RNFT2: variants seen among roughly 807,000 people sequenced by gnomAD.
RNFT2 encodes ring finger protein, transmembrane 2, also known as E3 ubiquitin-protein ligase RNFT2.
In RNFT2, 36 loss-of-function variants were observed where a neutral mutation model predicts 53.0. That is an observed-to-expected ratio of 0.68 (90% CI 0.52 to 0.90). RNFT2 has a LOEUF of 0.90. Among genes scored for constraint, RNFT2 ranks in the 40% least tolerant of loss-of-function variants. The pLI is 0.00. For synonymous variants in RNFT2, 260 were observed against 253.2 expected (o/e 1.03, Z -0.26); for missense variants, 514 against 585.6 (o/e 0.88, Z 1.26).
intron 7 of RNFT2, among the ~76,000 whole-genome samples, chr12:116,819,464 A>G (rs894080347): frequency 2.6e-5 from 4 of 151,990 alleles, no homozygotes; most frequent in African/African-American, 9.7e-5. Context: ...AGATCATGAG[A>G]TGCCGGCGCT....
intron 7 of RNFT2, among the ~76,000 whole-genome samples, chr12:116,787,364 C>T (rs534458718): frequency 2.0e-5 from 3 of 152,264 alleles, no homozygotes; most frequent in Admixed American, 1.3e-4. Context: ...GCATTTTCCT[C>T]CTGCAGAAAA....
chr12:116,740,795 C>A, intron 2 of RNFT2: 2 of 620,452 alleles, frequency 3.2e-6, no homozygotes, highest in South Asian at 3.8e-5. Flanking sequence ...TGAGGACTTT[C>A]TCCACCTCTG....
At chr12:116,771,494 A>AT (rs1349510091) in intron 6 of RNFT2, among the ~76,000 whole-genome samples, 9 of 112,592 alleles carry the variant, frequency 8.0e-5, no homozygotes, top group African/African-American at 3.0e-4. Flanking sequence ...AAAAAAAAAA[A>AT]ATACGTATAT....
intron 7 of RNFT2, among the ~76,000 whole-genome samples, chr12:116,808,131 T>A (rs1875177811): frequency 6.6e-6 from 1 of 152,080 alleles, no homozygotes; most frequent in Admixed American, 6.6e-5. Context: ...GCCCAGCTAA[T>A]TTTTGTATTT....
At chr12:116,838,269 C>A (rs1179649123) in intron 10 of RNFT2, among the ~76,000 whole-genome samples, 3 of 152,158 alleles carry the variant, frequency 2.0e-5, no homozygotes. Context: ...TTGCACCAAC[C>A]TGGGCCCATC....
At chr12:116,790,842 AGCTACTTGG>A (rs1272267471) in intron 7 of RNFT2, among the ~76,000 whole-genome samples, 4 of 152,202 alleles carry the variant, frequency 2.6e-5, no homozygotes, top group Non-Finnish European at 5.9e-5. Context: ...CTGTAGTCCC[AGCTACTTGG>A]GAGGCTGAAG....
chr12:116,768,347 G>A (rs769238760), intron 6 of RNFT2, among the ~76,000 whole-genome samples: 8 of 150,810 alleles, frequency 5.3e-5, no homozygotes, highest in East Asian at 2.0e-4. Context: ...GTGATCCGCC[G>A]GCCTTGGCCT....
At chr12:116,846,554 T>C (rs1038361254) in intron 10 of RNFT2, among the ~76,000 whole-genome samples, 5 of 151,556 alleles carry the variant, frequency 3.3e-5, no homozygotes, top group Admixed American at 2.6e-4. Flanking sequence ...CCTCCCAAAG[T>C]GCTGGGGTTA....
At chr12:116,792,607 A>G (rs1874302941) in intron 7 of RNFT2, among the ~76,000 whole-genome samples, 2 of 152,140 alleles carry the variant, frequency 1.3e-5, no homozygotes, top group East Asian at 3.9e-4. Context: ...TTAATGTGCC[A>G]GGTCAGCGCG....
intron 4 of RNFT2, among the ~76,000 whole-genome samples, chr12:116,752,341 A>T (rs1245696747): frequency 6.6e-6 from 1 of 152,138 alleles, no homozygotes; most frequent in Non-Finnish European, 1.5e-5. Flanking sequence ...CTATTCCTAG[A>T]AGTGAAAGCT....
rs573558325 is a variant in RNFT2 at position 116,755,913 on chromosome 12, G to A, written c.627+1853G>A. ...TAGAAGATGGCAGTTCCGGCTGAAA[G>A]GAAAAGATATGTCCTTATTTTTGTA... On this transcript the variant is annotated intron_variant, in intron 5 of 10. Coordinates refer to ENST00000257575, the MANE Select transcript of RNFT2 (RefSeq NM_001382266.1). The A allele has an allele frequency of 1.7e-5, 21 of 1,200,168 alleles. No homozygotes were observed. The South Asian group carries it at 2.4e-4, about 14-fold the overall frequency. The allele number at this position is 1,200,168 out of a possible 1,614,324, so 74.3% of individuals were successfully genotyped here. A position where few individuals can be genotyped will look rare whatever the true frequency, so the allele number is the denominator to read the frequency against.
At chr12:116,790,832 CT>C (rs1874198830) in intron 7 of RNFT2, among the ~76,000 whole-genome samples, 1 of 152,142 alleles carries the variant, frequency 6.6e-6, no homozygotes, top group African/African-American at 2.4e-5. Context: ...TGGCACTCAC[CT>C]GTAGTCCCAG....
intron 7 of RNFT2, among the ~76,000 whole-genome samples, chr12:116,819,933 G>A (rs1193862871): frequency 6.6e-6 from 1 of 152,140 alleles, no homozygotes; most frequent in Non-Finnish European, 1.5e-5. Context: ...AGGAACAGGT[G>A]ACTTTAATTT....
At position 116,779,173 on chromosome 12, in the gene RNFT2, ACT is replaced by A; in HGVS notation, c.729-16_729-15del. Reference sequence around the variant, plus strand: ...GGCCTGGCCCTAAGGGAACCTTCTGACTCTCTCAATCCTCCCCCCAGCCTCAT... The same window carrying A: ...GGCCTGGCCCTAAGGGAACCTTCTGACTCTCAATCCTCCCCCCAGCCTCAT... On this transcript the variant is annotated intron_variant, in intron 6 of 10. Coordinates refer to ENST00000257575, the MANE Select transcript of RNFT2 (RefSeq NM_001382266.1). The A allele has an allele frequency of 6.2e-7, 1 of 1,613,626 alleles. No individual in the cohort carries two copies.
At position 116,759,153 on chromosome 12, in the gene RNFT2, G is replaced by C. The variant is rs146279571; in HGVS notation, c.627+5093G>C. ...CTTCTACTTGTTCAATTCTATTGCC[G>C]AGACTTTCCAGAGCATTTCGCATTT... On this transcript the variant is annotated intron_variant, in intron 5 of 10. Transcript: ENST00000257575. Among the ~76,000 whole-genome samples, 419 of 152,164 alleles carry C rather than the reference G, an allele frequency of 2.8e-3. 3 individuals are homozygous for C. The highest frequency in any genetic ancestry group is 8.3e-3 in the African/African-American group (343 of 41,522).
intron 7 of RNFT2, among the ~76,000 whole-genome samples, chr12:116,785,977 A>G (rs1294276683): frequency 6.6e-6 from 1 of 152,134 alleles, no homozygotes; most frequent in East Asian, 1.9e-4. Context: ...GCTTGAGCCC[A>G]GGAGGCAGAG....
chr12:116,811,007 T>C (rs894320399), intron 7 of RNFT2, among the ~76,000 whole-genome samples: 1 of 152,228 alleles, frequency 6.6e-6, no homozygotes, highest in African/African-American at 2.4e-5. Context: ...GTCAGGTGGA[T>C]CTGAGCTGGA....
intron 6 of RNFT2, 25 bp downstream of exon 6, chr12:116,766,939 C>A: frequency 6.5e-7 from 1 of 1,532,260 alleles, no homozygotes; most frequent in Non-Finnish European, 8.9e-7. Flanking sequence ...CCAACCCCCA[C>A]GGTGGGAGAG....
intron 5 of RNFT2, chr12:116,755,356 C>G: frequency 1.3e-6 from 1 of 758,610 alleles, no homozygotes; most frequent in East Asian, 2.5e-5. Context: ...TTTTTTATAG[C>G]CCAGAGGTCT....
Sources: gnomAD v4.1 joint callset for allele counts (sites outside exome capture counted in the v4.1 genomes callset) on GRCh38, gnomAD v4.1.1 for gene constraint, MANE v1.5 for transcripts, NCBI Gene and HGNC (gene_info 2026-07-23, HGNC 2026-07-21) for gene names.